CFAP74: variants seen among roughly 807,000 people sequenced by gnomAD.
CFAP74 encodes the protein cilia- and flagella-associated protein 74.
Under a neutral mutation model 188.9 loss-of-function variants are expected in CFAP74, and 124 were observed. The observed-to-expected ratio is 0.66, with a 90% CI of 0.57 to 0.76. The LOEUF is 0.76. Among genes scored for constraint, CFAP74 ranks in the 30% least tolerant of loss-of-function variants. The pLI, the probability that CFAP74 is intolerant of heterozygous loss-of-function variation, is 0.00. For missense variants in CFAP74, 2,198 were observed against 2,165.2 expected (o/e 1.02, Z -0.30); for synonymous variants, 956 against 916.7 (o/e 1.04, Z -0.77).
intron 18 of CFAP74, among the ~76,000 whole-genome samples, chr1:1,951,413 G>A (rs1482368494): frequency 6.6e-6 from 1 of 152,126 alleles, no homozygotes; most frequent in Non-Finnish European, 1.5e-5. Flanking sequence ...TGAAAAGACT[G>A]TTCTTTCTCC....
At chr1:1,955,300 T>G in intron 18 of CFAP74, 1 of 1,293,996 alleles carries the variant, frequency 7.7e-7, no homozygotes, top group Non-Finnish European at 1.0e-6. Context: ...CCCGCCCGTT[T>G]CTCGGCACCT....
At chr1:1,927,322 C>A in intron 28 of CFAP74, 1 of 573,402 alleles carries the variant, frequency 1.7e-6, no homozygotes, top group Non-Finnish European at 3.1e-6. Context: ...CCCATTAGAG[C>A]TTTCCCAGGG....
Position 1,942,186 on chromosome 1 carries a change from G to A in CFAP74, c.2487-30C>T, listed in dbSNP as rs12758705. The A allele has an allele frequency of 0.25, 372,555 of 1,466,528 alleles. 48,568 individuals are homozygous for A. The highest frequency in any genetic ancestry group is 0.27 in the Non-Finnish European group (297,957 of 1,112,128). 90.8% of individuals were successfully genotyped at this position (1,466,528 alleles called of 1,614,324 possible). ...GGGCGTGTCGCAGGGCACTGGGTCA[G>A]GTGCCACAGTCGTGATTCTGTGTGC... On this transcript the variant is annotated intron_variant, in intron 21 of 38. Coordinates refer to ENST00000682832, the MANE Select transcript of CFAP74 (RefSeq NM_001304360.2). This position sits in a 1 kb window ranked among gnomAD's most constrained non-coding sequence, Gnocchi z 4.3.
At chr1:1,939,459 G>C in intron 24 of CFAP74, 135 bp downstream of exon 24, 1 of 853,394 alleles carries the variant, frequency 1.2e-6, no homozygotes, top group Non-Finnish European at 1.8e-6. Context: ...CCCAGGTGTG[G>C]AGGGGTGCAG....
Position 1,922,030 on chromosome 1 carries a change from G to A in CFAP74, c.*257C>T, listed in dbSNP as rs1304159304. ...GGGCTGGGGGCTCTGAGGGGGTCTG[G>A]CTAGGATGGCTGAGGGCTGGCCTGG... On this transcript the variant is annotated 3_prime_UTR_variant, in exon 39 of 39. Transcript: ENST00000682832. The A allele has an allele frequency of 7.9e-6, 4 of 508,408 alleles. No individual in the cohort carries two copies. Among genetic ancestry groups the A allele is most frequent in the Middle Eastern group, 1.1e-3 (2 of 1,898 alleles). The allele number at this position is 508,408 out of a possible 1,614,324, so 31.5% of individuals were successfully genotyped here. A position where few individuals can be genotyped will look rare whatever the true frequency, so the allele number is the denominator to read the frequency against.
chr1:1,956,277 G>C (rs867014490), intron 17 of CFAP74, among the ~76,000 whole-genome samples: 6 of 152,286 alleles, frequency 3.9e-5, no homozygotes, highest in Admixed American at 1.3e-4. Flanking sequence ...GAGTGCACCT[G>C]TCCAGTCCTC....
At chr1:1,952,925 T>C (rs901269430) in intron 18 of CFAP74, among the ~76,000 whole-genome samples, 1 of 152,220 alleles carries the variant, frequency 6.6e-6, no homozygotes, top group Non-Finnish European at 1.5e-5. Flanking sequence ...CCCGAAGTGC[T>C]GGTATTACAG....
intron 23 of CFAP74, 99 bp from the exon 24 acceptor site, chr1:1,939,866 A>C (rs1456086175): frequency 8.5e-7 from 1 of 1,180,152 alleles, no homozygotes; most frequent in African/African-American, 1.5e-5. Flanking sequence ...CCTTGTGGCC[A>C]TGGCCCACTG....
intron 18 of CFAP74, chr1:1,955,061 G>A (rs1445567751): frequency 2.4e-6 from 3 of 1,270,424 alleles, no homozygotes; most frequent in Admixed American, 2.6e-5. Flanking sequence ...CACCGGAAGT[G>A]CGGCTCACAC....
chr1:1,963,969 C>T (rs976817451), intron 13 of CFAP74, 102 bp from the exon 14 acceptor site: 6 of 774,350 alleles, frequency 7.7e-6, no homozygotes, highest in South Asian at 1.4e-5. Context: ...GAGCATTTGC[C>T]AACTAGGGAG....
Position 1,946,204 on chromosome 1 carries a change from C to A in CFAP74, c.2364+113G>T, listed in dbSNP as rs911685476. The A allele has an allele frequency of 1.1e-5, 14 of 1,316,566 alleles. No individual in the cohort carries two copies. The African/African-American group carries it at 1.3e-4, about 13-fold the overall frequency. 81.6% of individuals were successfully genotyped at this position (1,316,566 alleles called of 1,614,324 possible). On this transcript the variant is annotated intron_variant, in intron 20 of 38. Coordinates refer to ENST00000682832, the MANE Select transcript of CFAP74 (RefSeq NM_001304360.2). Reference sequence around the variant, plus strand: ...TGGTGCCAACCATCCGTGCCACCAACTGGCCATCCCTGCGTGGGCAAATGG... The same window carrying A: ...TGGTGCCAACCATCCGTGCCACCAAATGGCCATCCCTGCGTGGGCAAATGG...
intron 1 of CFAP74, among the ~76,000 whole-genome samples, chr1:2,002,686 A>T (rs1417834921): frequency 6.6e-6 from 1 of 150,616 alleles, no homozygotes; most frequent in African/African-American, 2.4e-5. Context: ...ACAAAAATTT[A>T]AAGAATATAT....
chr1:2,003,594 G>A (rs1056567277), intron 1 of CFAP74, 107 bp downstream of exon 1: 1 of 152,252 alleles, frequency 6.6e-6, no homozygotes, highest in Admixed American at 6.5e-5. Context: ...TTCTGGCACA[G>A]CTTTCCGGGA....
rs1651606501 is a variant in CFAP74, at chr1:1,923,951, G to A, written c.4235-22C>T. On this transcript the variant is annotated intron_variant, in intron 34 of 38. Coordinates refer to ENST00000682832, the MANE Select transcript of CFAP74 (RefSeq NM_001304360.2). This position sits in a 1 kb window ranked among gnomAD's most constrained non-coding sequence, Gnocchi z 6.3. ...GTCCCTGCGGGTAGGGTGGGGTGCA[G>A]TTTGGCCTTCTCCACCTGCAATCAC... 1 of 1,593,572 alleles carries A rather than the reference G, an allele frequency of 6.3e-7. No homozygotes were observed. The highest frequency in any genetic ancestry group is 1.7e-5 in the Admixed American group (1 of 58,532).
chr1:1,956,489 G>T, intron 17 of CFAP74, 131 bp downstream of exon 17: 2 of 1,076,312 alleles, frequency 1.9e-6, no homozygotes, highest in Non-Finnish European at 2.7e-6. Flanking sequence ...GATTTGAGGA[G>T]GCCCCCACAC....
intron 15 of CFAP74, 130 bp downstream of exon 15, chr1:1,959,834 G>A: frequency 2.8e-6 from 2 of 708,546 alleles, no homozygotes; most frequent in Non-Finnish European, 4.5e-6. Context: ...AGCAAAACAG[G>A]GGCCTGCGTG....
At chr1:1,965,676 C>T (rs1465821602) in intron 12 of CFAP74, among the ~76,000 whole-genome samples, 2 of 152,168 alleles carry the variant, frequency 1.3e-5, no homozygotes, top group Non-Finnish European at 2.9e-5. Context: ...CACTTGGCAC[C>T]CTCCTCTTGT....
In CFAP74 at chr1:1,966,366, G is replaced by A. The variant is rs1655470290; in HGVS notation, c.1401+5C>T. 6 of 1,526,434 alleles carry A rather than the reference G, an allele frequency of 3.9e-6. 1 individual carries two copies. The highest frequency in any genetic ancestry group is 2.7e-6 in the Non-Finnish European group (3 of 1,131,254). The allele number at this position is 1,526,434 out of a possible 1,614,324, so 94.6% of individuals were successfully genotyped here. A position where few individuals can be genotyped will look rare whatever the true frequency, so the allele number is the denominator to read the frequency against. On this transcript the variant is annotated splice_donor_5th_base_variant and intron_variant, in intron 12 of 38. Coordinates refer to ENST00000682832, the MANE Select transcript of CFAP74 (RefSeq NM_001304360.2). ...GCAAGCGTCTAAAGGAGCAGGAGCT[G>A]ATACCTGGTATGGCTTGTAGTCTTC... is the stretch of plus-strand genomic sequence containing the variant.
intron 18 of CFAP74, chr1:1,955,155 A>C: frequency 7.8e-7 from 1 of 1,284,056 alleles, no homozygotes; most frequent in Non-Finnish European, 1.0e-6. Context: ...CACCACGCGA[A>C]GACAGACAGG....
Sources: allele counts gnomAD v4.1 joint callset (sites outside exome capture counted in the v4.1 genomes callset), GRCh38; gene constraint gnomAD v4.1.1; non-coding constraint Gnocchi (gnomAD v3.1); transcripts MANE v1.5; gene names NCBI Gene and HGNC (gene_info 2026-07-23, HGNC 2026-07-21).